Variants in ZFPM1 observed in about 807,000 individuals in gnomAD.
The protein encoded by ZFPM1 is zinc finger protein, FOG family member 1.
Under a neutral mutation model 46.3 loss-of-function variants are expected in ZFPM1, and 28 were observed. The observed-to-expected ratio is 0.60, with a 90% confidence interval of 0.45 to 0.83. The LOEUF (loss-of-function observed/expected upper bound fraction) is 0.83. Ranked by LOEUF, ZFPM1 falls within the 40% of genes least tolerant of loss-of-function variation. ZFPM1 has a pLI of 0.00. For missense variants in ZFPM1, 1,878 were observed against 1,432.4 expected (o/e 1.31, Z -5.02); for synonymous variants, 957 against 675.9 (o/e 1.42, Z -6.45).
chr16:88,529,221 C>T (rs905898574), intron 6 of ZFPM1, among the ~76,000 whole-genome samples: 2 of 152,242 alleles, frequency 1.3e-5, no homozygotes, highest in Admixed American at 1.3e-4. Flanking sequence ...GCAGGGAACA[C>T]GCAGCAAGTC....
chr16:88,534,657 C>T lies in ZFPM1; in HGVS notation c.2699C>T (p.Pro900Leu), dbSNP rs1171740010. 19 of 1,010,486 alleles carry T rather than the reference C, an allele frequency of 1.9e-5. No individual in the cohort carries two copies. The highest frequency in any genetic ancestry group is 2.2e-5 in the Non-Finnish European group (19 of 848,828). 62.6% of individuals were successfully genotyped at this position (1,010,486 alleles called of 1,614,324 possible). Reference sequence around the variant, plus strand: ...GCCCGGACGCCGGCCGACCGCGGCCCCTCGCCCGCTCCCGCCCCCGCCGCC... The same window carrying T: ...GCCCGGACGCCGGCCGACCGCGGCCTCTCGCCCGCTCCCGCCCCCGCCGCC... ...VEARTPADRG[P>L]SPAPAPAASP... Residue 900 changes from proline to leucine, a missense_variant, in exon 10 of 10, where the codon CCC becomes CTC. Coordinates refer to ENST00000319555, the MANE Select transcript of ZFPM1 (RefSeq NM_153813.3).
intron 3 of ZFPM1, among the ~76,000 whole-genome samples, chr16:88,496,755 TGAG>T (rs974196968): frequency 1.3e-5 from 2 of 152,052 alleles, no homozygotes; most frequent in Non-Finnish European, 2.9e-5. Context: ...ACACGGGGCT[TGAG>T]GAGATCGCCT....
intron 5 of ZFPM1, 82 bp downstream of exon 5, chr16:88,526,998 G>A (rs1238816104): frequency 2.0e-6 from 3 of 1,485,646 alleles, no homozygotes; most frequent in Non-Finnish European, 2.7e-6. Context: ...GCCCTTAAAG[G>A]GAAACCAGCC....
intron 3 of ZFPM1, among the ~76,000 whole-genome samples, chr16:88,500,979 G>A (rs1319980525): frequency 6.6e-6 from 1 of 152,184 alleles, no homozygotes; most frequent in East Asian, 1.9e-4. Flanking sequence ...GGGTCTCTAA[G>A]GCTGGCCCCT....
At chr16:88,463,423 A>C (rs1011116134) in intron 1 of ZFPM1, among the ~76,000 whole-genome samples, 2 of 151,960 alleles carry the variant, frequency 1.3e-5, no homozygotes, top group African/African-American at 2.4e-5. Context: ...CCCGGATGTG[A>C]CCCCAGGACC....
At chr16:88,456,177 G>T (rs1907551856) in intron 1 of ZFPM1, among the ~76,000 whole-genome samples, 1 of 152,230 alleles carries the variant, frequency 6.6e-6, no homozygotes. Flanking sequence ...CCCTGTGGCC[G>T]GTGGTACAGT....
intron 3 of ZFPM1, among the ~76,000 whole-genome samples, chr16:88,489,773 C>G (rs1040855021): frequency 6.6e-6 from 1 of 152,248 alleles, no homozygotes; most frequent in Non-Finnish European, 1.5e-5. Context: ...GTGGCCCCTT[C>G]GGGGACTGTG....
chr16:88,452,594 T>A (rs978823641), upstream of ZFPM1, among the ~76,000 whole-genome samples: 3 of 152,226 alleles, frequency 2.0e-5, no homozygotes, highest in Admixed American at 2.0e-4. Flanking sequence ...CTGGCCCGAA[T>A]CCGCTCCACA....
chr16:88,535,689 C>G lies in ZFPM1; in HGVS notation c.*710C>G, dbSNP rs929948779. 3.3e-5 allele frequency: 5 copies of G among 152,336 alleles called. No homozygotes were observed. Among genetic ancestry groups the G allele is most frequent in the Non-Finnish European group, 7.3e-5 (5 of 68,118 alleles). 9.4% of individuals were successfully genotyped at this position (152,336 alleles called of 1,614,324 possible). On this transcript the variant is annotated 3_prime_UTR_variant, in exon 10 of 10. Coordinates refer to ENST00000319555, the MANE Select transcript of ZFPM1 (RefSeq NM_153813.3). ...CTGGCCTCGAGGGGGTCCTGATGCT[C>G]ACTGGTGGGTGCATCTCTCCCTCAG...
At chr16:88,516,760 G>A in intron 4 of ZFPM1, 1 of 394,322 alleles carries the variant, frequency 2.5e-6, no homozygotes, top group Non-Finnish European at 4.5e-6. Context: ...CTCCTGCCCG[G>A]ATCGCCCCAG....
intron 3 of ZFPM1, among the ~76,000 whole-genome samples, chr16:88,495,864 T>C (rs773718778): frequency 1.8e-4 from 27 of 151,754 alleles, no homozygotes; most frequent in Non-Finnish European, 3.8e-4. Flanking sequence ...TGAAACAAAA[T>C]GCAACTGGGC....
chr16:88,533,507 G>C lies in ZFPM1; in HGVS notation c.1549G>C (p.Glu517Gln). The C allele has an allele frequency of 7.1e-7, 1 of 1,410,108 alleles. No individual in the cohort carries two copies. The highest frequency in any genetic ancestry group is 9.2e-7 in the Non-Finnish European group (1 of 1,087,518). 87.3% of individuals were successfully genotyped at this position (1,410,108 alleles called of 1,614,324 possible). A position where few individuals can be genotyped will look rare whatever the true frequency, so the allele number is the denominator to read the frequency against. Residue 517 changes from glutamate to glutamine, a missense_variant, in exon 10 of 10, where the codon GAG (glutamate) becomes CAG (glutamine). By Grantham distance (29) the Glu-to-Gln change is conservative. Transcript: ENST00000319555. ...PTPGSSPVPG[E>Q]LGLAGALFLP... Reference sequence around the variant, plus strand: ...GCCGGGCTCCAGCCCGGTGCCCGGCGAGCTGGGCCTGGCCGGGGCCCTGTT... The same window carrying C: ...GCCGGGCTCCAGCCCGGTGCCCGGCCAGCTGGGCCTGGCCGGGGCCCTGTT...
At chr16:88,511,875 C>G (rs955736759) in intron 3 of ZFPM1, among the ~76,000 whole-genome samples, 2 of 152,200 alleles carry the variant, frequency 1.3e-5, no homozygotes, top group African/African-American at 2.4e-5. Context: ...CCCTTGGAGA[C>G]GCATCCTGAA....
In ZFPM1 at chr16:88,534,833, A is replaced by C. The variant is rs1402409598; in HGVS notation, c.2875A>C (p.Thr959Pro). 11 of 1,546,030 alleles carry C rather than the reference A, an allele frequency of 7.1e-6. No individual in the cohort carries two copies. The South Asian group carries it at 1.2e-4, about 16-fold the overall frequency. ...PPSYSDKGVQ[T>P]PSKGTPAPLP... Reference sequence around the variant, plus strand: ...CTCCTACTCGGACAAGGGCGTCCAGACTCCCAGCAAGGGCACGCCGGCGCC... The same window carrying C: ...CTCCTACTCGGACAAGGGCGTCCAGCCTCCCAGCAAGGGCACGCCGGCGCC... The change falls in exon 10 of 10, where the codon ACT becomes CCT. Residue 959 changes from threonine (T) to proline (P), a missense_variant. Coordinates refer to ENST00000319555, the MANE Select transcript of ZFPM1 (RefSeq NM_153813.3).
At chr16:88,451,920 C>T (rs969526644), upstream of ZFPM1, among the ~76,000 whole-genome samples, 6 of 152,194 alleles carry the variant, frequency 3.9e-5, no homozygotes, top group Non-Finnish European at 8.8e-5. Context: ...CCGCCACTCT[C>T]CTGTACCAGG....
At chr16:88,505,448 G>T (rs572293348) in intron 3 of ZFPM1, among the ~76,000 whole-genome samples, 1 of 152,328 alleles carries the variant, frequency 6.6e-6, no homozygotes, top group African/African-American at 2.4e-5. Context: ...GCCCTGAGGG[G>T]CTGACAGTCC....
chr16:88,532,569 G>A (rs755119610), intron 7 of ZFPM1, 45 bp from the exon 8 acceptor site: 3 of 1,538,074 alleles, frequency 2.0e-6, no homozygotes, highest in Non-Finnish European at 2.6e-6. Flanking sequence ...GGAGTCCCAA[G>A]GTTAAGCTGG....
At position 88,533,908 on chromosome 16, in the gene ZFPM1, C is replaced by T. The variant is rs1180764781; in HGVS notation, c.1950C>T (p.Gly650=). 6.3e-6 allele frequency: 7 copies of T among 1,115,774 alleles called. No homozygotes were observed. Among genetic ancestry groups the T allele is most frequent in the East Asian group, 7.8e-5 (1 of 12,802 alleles). The allele number at this position is 1,115,774 out of a possible 1,614,324, so 69.1% of individuals were successfully genotyped here. ...GPGAREEGAG[G]AATPEDGAGG... is the part of the protein sequence containing the mutation. Reference sequence around the variant, plus strand: ...GAGCGCGCGAGGAGGGGGCTGGGGGCGCGGCCACGCCCGAGGACGGCGCGG... The same window carrying T: ...GAGCGCGCGAGGAGGGGGCTGGGGGTGCGGCCACGCCCGAGGACGGCGCGG... Residue 650 remains glycine, a synonymous_variant, in exon 10 of 10, where the codon GGC becomes GGT. Transcript: ENST00000319555.
At chr16:88,457,948 G>A (rs1907630606) in intron 1 of ZFPM1, among the ~76,000 whole-genome samples, 1 of 152,184 alleles carries the variant, frequency 6.6e-6, no homozygotes, top group Admixed American at 6.5e-5. Flanking sequence ...TGGGCCTTAG[G>A]GAAGGCAGAC....
Sources: allele counts gnomAD v4.1 joint callset (sites outside exome capture counted in the v4.1 genomes callset), GRCh38; gene constraint gnomAD v4.1.1; transcripts MANE v1.5; gene names NCBI Gene and HGNC (gene_info 2026-07-23, HGNC 2026-07-21).